UXS1: variants seen among roughly 807,000 people sequenced by gnomAD.
The protein encoded by UXS1 is UDP-glucuronate decarboxylase 1.
In UXS1, 33 loss-of-function variants were observed where a neutral mutation model predicts 62.6. The observed-to-expected ratio is 0.53, with a 90% CI of 0.40 to 0.70. The LOEUF (loss-of-function observed/expected upper bound fraction) is 0.70, where lower values mean the gene tolerates loss of function less well. Among genes scored for constraint, UXS1 ranks in the 30% least tolerant of loss-of-function variants. UXS1 has a pLI of 0.00. For missense variants in UXS1, 434 were observed against 556.3 expected (o/e 0.78, Z 2.21); for synonymous variants, 213 against 206.8 (o/e 1.03, Z -0.26).
At chr2:106,183,440 G>C (rs1264773810) in intron 1 of UXS1, 1 of 152,140 alleles carries the variant, frequency 6.6e-6, no homozygotes, top group Non-Finnish European at 1.5e-5. Context: ...CTCTGAAAAA[G>C]ACTGCTTTGA....
chr2:106,185,345 A>C (rs182865349), intron 1 of UXS1, among the ~76,000 whole-genome samples: 263 of 152,322 alleles, frequency 1.7e-3, no homozygotes, highest in African/African-American at 6.1e-3. Context: ...AAGATGCCCA[A>C]GTCTTAAACC....
At chr2:106,147,915 T>A (rs1311734136) in intron 5 of UXS1, among the ~76,000 whole-genome samples, 1 of 152,186 alleles carries the variant, frequency 6.6e-6, no homozygotes, top group Non-Finnish European at 1.5e-5. Flanking sequence ...ACATAGATAT[T>A]ACATATGCTC....
chr2:106,186,340 T>G (rs913604737), intron 1 of UXS1, among the ~76,000 whole-genome samples: 11 of 152,062 alleles, frequency 7.2e-5, no homozygotes, highest in African/African-American at 2.2e-4. Flanking sequence ...CGACACCAAT[T>G]AGCAAGCATT....
At chr2:106,129,801 C>T in intron 6 of UXS1, 23 bp from the exon 7 acceptor site, 1 of 1,534,248 alleles carries the variant, frequency 6.5e-7, no homozygotes, top group Non-Finnish European at 8.8e-7. Context: ...AAACAGAAGC[C>T]TATTACTTCA....
intron 1 of UXS1, among the ~76,000 whole-genome samples, chr2:106,175,224 C>T (rs569974696): frequency 6.6e-6 from 1 of 152,328 alleles, no homozygotes; most frequent in South Asian, 2.1e-4. Context: ...CTTGAGCACA[C>T]TGAAAGTATT....
intron 8 of UXS1, among the ~76,000 whole-genome samples, chr2:106,124,774 T>C (rs968024901): frequency 6.6e-6 from 1 of 152,178 alleles, no homozygotes; most frequent in Admixed American, 6.5e-5. Context: ...AAGTAGACAA[T>C]GAACTACCTT....
intron 9 of UXS1, among the ~76,000 whole-genome samples, chr2:106,117,859 A>G (rs893256063): frequency 6.6e-6 from 1 of 152,272 alleles, no homozygotes; most frequent in African/African-American, 2.4e-5. Flanking sequence ...TGCAGAATGC[A>G]CAGCTCACTG....
In UXS1 at chr2:106,098,726, T is replaced by A; in HGVS notation, c.1032A>T (p.Lys344Asn). The A allele has an allele frequency of 1.2e-6, 2 of 1,611,332 alleles. No homozygotes were observed. The highest frequency in any genetic ancestry group is 1.7e-6 in the Non-Finnish European group (2 of 1,178,590). ...ACTTATCCTACTTACCAACAAGGTT[T>A]TTAATTAACTGAGCAAATTCTAGGA... ...HTILEFAQLIKNLVGSGSEIQ... is the reference protein window; with the variant it reads ...HTILEFAQLINNLVGSGSEIQ... Residue 344 changes from lysine (K) to asparagine (N), a missense_variant, in exon 13 of 15, where the codon AAA becomes AAT. Physicochemically the swap from Lys to Asn is moderately conservative, Grantham distance 94. Around this residue, in one of 3 missense-constraint regions of UXS1, gnomAD observed 209 missense variants for 233.3 expected, o/e 0.90. Transcript: ENST00000283148.
chr2:106,147,497 C>A (rs1042209750), intron 5 of UXS1, among the ~76,000 whole-genome samples: 4 of 152,090 alleles, frequency 2.6e-5, no homozygotes, highest in African/African-American at 9.7e-5. Context: ...AGTAAAAAAT[C>A]TCTAAAGCCA....
intron 9 of UXS1, among the ~76,000 whole-genome samples, chr2:106,113,617 A>G (rs1447254543): frequency 6.6e-6 from 1 of 152,236 alleles, no homozygotes; most frequent in Non-Finnish European, 1.5e-5. Flanking sequence ...CATGGATGGA[A>G]AAATTAAATG....
intron 12 of UXS1, among the ~76,000 whole-genome samples, chr2:106,100,320 A>C (rs1281137602): frequency 6.6e-6 from 1 of 152,184 alleles, no homozygotes; most frequent in African/African-American, 2.4e-5. Flanking sequence ...CTGATGCACC[A>C]AGGAGGAGGC....
intron 1 of UXS1, among the ~76,000 whole-genome samples, chr2:106,184,200 A>C (rs1164581460): frequency 6.6e-6 from 1 of 152,228 alleles, no homozygotes; most frequent in Non-Finnish European, 1.5e-5. Flanking sequence ...TCAGAAAAAA[A>C]TAAAAGTATA....
chr2:106,103,392 C>T (rs1677765596), intron 11 of UXS1, among the ~76,000 whole-genome samples: 2 of 152,318 alleles, frequency 1.3e-5, no homozygotes, highest in East Asian at 1.9e-4. Context: ...CCGAGGCAGG[C>T]ACACATAACC....
At chr2:106,114,421 G>C (rs1678898801) in intron 9 of UXS1, among the ~76,000 whole-genome samples, 1 of 152,174 alleles carries the variant, frequency 6.6e-6, no homozygotes, top group African/African-American at 2.4e-5. Flanking sequence ...CAGAGATGCT[G>C]CTCTCAACAG....
intron 13 of UXS1, chr2:106,097,527 A>G (rs1457764484): frequency 3.6e-6 from 1 of 273,992 alleles, no homozygotes; most frequent in African/African-American, 2.2e-5. Flanking sequence ...AGCTATATAC[A>G]GAAGCACAGC....
intron 14 of UXS1, among the ~76,000 whole-genome samples, chr2:106,095,604 G>A (rs569750658): frequency 5.1e-4 from 77 of 152,374 alleles, no homozygotes; most frequent in Non-Finnish European, 9.8e-4. Flanking sequence ...CATTTGTTGA[G>A]CACCCAGTGT....
intron 10 of UXS1, among the ~76,000 whole-genome samples, chr2:106,107,377 A>G (rs1678173391): frequency 6.6e-6 from 1 of 152,248 alleles, no homozygotes; most frequent in Admixed American, 6.5e-5. Context: ...TCATCAGAGC[A>G]GCGGTGTCCA....
At chr2:106,177,935 G>A (rs1270520158) in intron 1 of UXS1, among the ~76,000 whole-genome samples, 2 of 152,156 alleles carry the variant, frequency 1.3e-5, no homozygotes, top group South Asian at 2.1e-4. Flanking sequence ...CCTCTGCTCT[G>A]GGCACCCACC....
At chr2:106,163,328 G>GCTA (rs1683017009) in intron 4 of UXS1, among the ~76,000 whole-genome samples, 1 of 5,758 alleles carries the variant, frequency 1.7e-4, no homozygotes, top group South Asian at 0.17. Flanking sequence ...GTTTGCATAT[G>GCTA]GTACATTTCA....
Sources: allele counts gnomAD v4.1 joint callset (sites outside exome capture counted in the v4.1 genomes callset), GRCh38; gene constraint gnomAD v4.1.1; regional missense constraint gnomAD v4.1.1; transcripts MANE v1.5; gene names NCBI Gene and HGNC (gene_info 2026-07-23, HGNC 2026-07-21).